DLGAP1: variants seen among roughly 807,000 people sequenced by gnomAD.
DLGAP1 encodes the protein DLG associated protein 1, also known as disks large-associated protein 1.
In DLGAP1, 11 loss-of-function variants were observed where a neutral mutation model predicts 90.8. That is an observed-to-expected ratio of 0.12 (90% CI 0.08 to 0.20). The LOEUF (loss-of-function observed/expected upper bound fraction) is 0.20, where lower values mean the gene tolerates loss of function less well. DLGAP1 is among the 10% of genes least tolerant of loss of function. The pLI, the probability that DLGAP1 is intolerant of heterozygous loss-of-function variation, is 1.00. For synonymous variants in DLGAP1, 558 were observed against 540.7 expected (o/e 1.03, Z -0.44); for missense variants, 1,050 against 1,333.8 (o/e 0.79, Z 3.31).
At chr18:3,893,057 C>A (rs1415491332) in intron 3 of DLGAP1, among the ~76,000 whole-genome samples, 1 of 151,912 alleles carries the variant, frequency 6.6e-6, no homozygotes, top group Non-Finnish European at 1.5e-5. Flanking sequence ...CCCTCACCAC[C>A]CTCCCATGCT....
At chr18:3,576,628 G>A (rs147408863) in intron 8 of DLGAP1, among the ~76,000 whole-genome samples, 1,774 of 141,456 alleles carry the variant, frequency 0.013, 28 homozygotes, top group African/African-American at 0.043. Context: ...GCAATGGCGC[G>A]ATCTTGGCTC....
intron 1 of DLGAP1, among the ~76,000 whole-genome samples, chr18:4,221,290 T>TA (rs1163723487): frequency 6.6e-6 from 1 of 152,108 alleles, no homozygotes; most frequent in African/African-American, 2.4e-5. Context: ...TTATCTCCAT[T>TA]AAAAAAATTC....
chr18:4,407,193 TTTAG>T (rs201766507), intron 1 of DLGAP1, among the ~76,000 whole-genome samples: 2,197 of 152,094 alleles, frequency 0.014, 65 homozygotes, highest in African/African-American at 0.05. Context: ...CAAAACACAA[TTTAG>T]TTAAAGGGAA....
intron 5 of DLGAP1, among the ~76,000 whole-genome samples, chr18:3,783,937 T>C (rs1053071411): frequency 6.6e-6 from 1 of 152,128 alleles, no homozygotes; most frequent in African/African-American, 2.4e-5. Context: ...AAACCGATGT[T>C]TAAGCACTGA....
At chr18:4,173,456 A>T (rs1418129883) in intron 1 of DLGAP1, among the ~76,000 whole-genome samples, 1 of 152,190 alleles carries the variant, frequency 6.6e-6, no homozygotes, top group Non-Finnish European at 1.5e-5. Context: ...CTCTCTCCTC[A>T]GGGATATTAG....
chr18:4,032,953 G>A (rs1416201178), intron 2 of DLGAP1, among the ~76,000 whole-genome samples: 1 of 152,112 alleles, frequency 6.6e-6, no homozygotes, highest in African/African-American at 2.4e-5. Flanking sequence ...ATTAATGACA[G>A]AAAGCATGAA....
At chr18:4,296,174 G>C (rs1403455824) in intron 1 of DLGAP1, among the ~76,000 whole-genome samples, 1 of 152,130 alleles carries the variant, frequency 6.6e-6, no homozygotes, top group Non-Finnish European at 1.5e-5. Flanking sequence ...TCTTAATTTT[G>C]TTAGAACTTG....
intron 7 of DLGAP1, among the ~76,000 whole-genome samples, chr18:3,612,100 C>T (rs1019964322): frequency 2.6e-5 from 4 of 152,198 alleles, no homozygotes; most frequent in Non-Finnish European, 5.9e-5. Context: ...ACAGTTCTGT[C>T]GTCCCAGCTG....
intron 1 of DLGAP1, among the ~76,000 whole-genome samples, chr18:4,192,960 C>T (rs1271072435): frequency 2.6e-5 from 4 of 152,218 alleles, no homozygotes; most frequent in Non-Finnish European, 5.9e-5. Context: ...ACATCTTAAT[C>T]CACTTAATCT....
rs1180727786 is a variant in DLGAP1, at chr18:3,517,756, G to A, written c.2480-9095C>T. Reference sequence around the variant, plus strand: ...CACTTGAACCCGGGAGGCAGAGGTTGCAGTGAGCCGAGATCGTGCCATTGC... The same window carrying A: ...CACTTGAACCCGGGAGGCAGAGGTTACAGTGAGCCGAGATCGTGCCATTGC... On this transcript the variant is annotated intron_variant, in intron 10 of 12. Coordinates refer to ENST00000315677, the MANE Select transcript of DLGAP1 (RefSeq NM_004746.4). The surrounding 1 kb of genome is among the most constrained non-coding windows in gnomAD (Gnocchi z 4.1). 2.0e-5 allele frequency among the ~76,000 whole-genome samples: 3 copies of A among 151,696 alleles called. No homozygotes were observed. The highest frequency in any genetic ancestry group is 4.4e-5 in the Non-Finnish European group (3 of 68,012).
At chr18:3,547,712 T>C (rs2053143787) in intron 9 of DLGAP1, among the ~76,000 whole-genome samples, 1 of 152,192 alleles carries the variant, frequency 6.6e-6, no homozygotes, top group Non-Finnish European at 1.5e-5. Flanking sequence ...CGAATTCCTA[T>C]ATTAACTAGT....
At chr18:3,748,257 C>T (rs981183158) in intron 5 of DLGAP1, among the ~76,000 whole-genome samples, 10 of 152,182 alleles carry the variant, frequency 6.6e-5, no homozygotes, top group African/African-American at 2.4e-4. Context: ...AGTGAGCCAA[C>T]CACACAAACA....
intron 3 of DLGAP1, chr18:3,896,114 T>C (rs2071616254): frequency 6.6e-6 from 1 of 152,228 alleles, no homozygotes; most frequent in Non-Finnish European, 1.5e-5. Context: ...ATATGCTCCT[T>C]CTCATGCTTG....
chr18:3,635,391 G>A (rs952120551), intron 7 of DLGAP1, among the ~76,000 whole-genome samples: 24 of 150,424 alleles, frequency 1.6e-4, no homozygotes, highest in African/African-American at 3.2e-4. Context: ...CCACCTCCTC[G>A]GCCTCCCAAA....
chr18:4,060,521 C>T (rs2075284200), intron 2 of DLGAP1, among the ~76,000 whole-genome samples: 1 of 152,150 alleles, frequency 6.6e-6, no homozygotes, highest in African/African-American at 2.4e-5. Flanking sequence ...TTAAAAATAG[C>T]CCACAATTAT....
At chr18:4,334,464 T>C (rs1190050609) in intron 1 of DLGAP1, among the ~76,000 whole-genome samples, 2 of 151,916 alleles carry the variant, frequency 1.3e-5, no homozygotes, top group Non-Finnish European at 2.9e-5. Context: ...AAGTTATCTC[T>C]GTATTGCCAT....
At chr18:3,551,581 TTTTCTTTCTTTCTTTTTCTTTTTC>T (rs1304384242) in intron 9 of DLGAP1, among the ~76,000 whole-genome samples, 1,418 of 124,356 alleles carry the variant, frequency 0.011, 23 homozygotes, top group Middle Eastern at 0.03. Context: ...AACACTTTTC[TTTTCTTTCTTTCTTTTTCTTTTTC>T]TTTCTTTCTT....
chr18:4,397,881 G>A (rs1484803969), intron 1 of DLGAP1, among the ~76,000 whole-genome samples: 1 of 152,006 alleles, frequency 6.6e-6, no homozygotes, highest in Non-Finnish European at 1.5e-5. Flanking sequence ...CCTAATAAGA[G>A]CAGGGTTTAT....
At chr18:4,080,927 A>T (rs573336873) in intron 2 of DLGAP1, among the ~76,000 whole-genome samples, 3 of 149,230 alleles carry the variant, frequency 2.0e-5, no homozygotes, top group Admixed American at 1.3e-4. Context: ...TTGCTCTTGT[A>T]GCCCAGGCTG....
Sources: gnomAD v4.1 joint callset for allele counts (sites outside exome capture counted in the v4.1 genomes callset) on GRCh38, gnomAD v4.1.1 for gene constraint, Gnocchi (gnomAD v3.1) non-coding constraint, MANE v1.5 for transcripts, NCBI Gene and HGNC (gene_info 2026-07-23, HGNC 2026-07-21) for gene names.